Variants in MSN observed in about 807,000 individuals in gnomAD.
MSN encodes epididymis luminal protein 70.
In MSN, 2 loss-of-function variants were observed where a neutral mutation model predicts 48.0. The ratio of observed to expected loss-of-function variants is 0.04; its 90% CI spans 0.02 to 0.13. The LOEUF (loss-of-function observed/expected upper bound fraction) is 0.13. Among genes scored for constraint, MSN ranks in the 10% least tolerant of loss-of-function variants. The probability of loss-of-function intolerance (pLI) is 1.00; values close to 1 mark genes in which losing one functional copy is unlikely to be tolerated. For missense variants in MSN, 267 were observed against 470.1 expected (o/e 0.57, Z 3.99); for synonymous variants, 146 against 166.9 (o/e 0.87, Z 0.97).
intron 1 of MSN, among the ~76,000 whole-genome samples, chrX:65,656,810 G>A (rs1282408027): frequency 4.5e-5 from 5 of 110,665 alleles, no homozygotes; most frequent in East Asian, 5.8e-4. Flanking sequence ...GCAAGCACAC[G>A]GTGCTGCTGC....
rs191973209 is a variant in MSN, at chrX:65,628,161, G to A, written c.-22+39549G>A. Among the ~76,000 whole-genome samples the A allele has an allele frequency of 2.8e-3, 313 of 112,569 alleles. 1 individual carries two copies. The highest frequency in any genetic ancestry group is 5.0e-3 in the Non-Finnish European group (268 of 53,219). On this transcript the variant is annotated intron_variant, in intron 1 of 3. Coordinates refer to the MSN transcript ENST00000609672. ...GGAGCTACCATTCTGGGGCCTGGAG[G>A]ACGGTGGCCCACTTTTCACAGTGCC...
At chrX:65,725,365 G>A (rs749681113) in intron 2 of MSN, among the ~76,000 whole-genome samples, 24 of 111,018 alleles carry the variant, frequency 2.2e-4, no homozygotes, top group African/African-American at 7.2e-4. Flanking sequence ...GGCCCTCATG[G>A]TCCATCTTCT....
At chrX:65,710,022 C>T (rs2071398796) in intron 1 of MSN, among the ~76,000 whole-genome samples, 1 of 112,015 alleles carries the variant, frequency 8.9e-6, no homozygotes, top group Admixed American at 9.5e-5. Flanking sequence ...ACTTTGCAGG[C>T]CTCATTCACC....
chrX:65,638,294 A>T lies in MSN; in HGVS notation c.-22+49682A>T, dbSNP rs770420351. Among the ~76,000 whole-genome samples, 3 of 111,047 alleles carry T rather than the reference A, an allele frequency of 2.7e-5. No homozygotes were observed. In the East Asian group the frequency reaches 8.6e-4, roughly 32 times the overall value. On this transcript the variant is annotated intron_variant, in intron 1 of 3. Transcript: ENST00000609672. ...CCTCTCACTGTGATCTATGTGGAGAACTCCTGCTCACTCTTTAAGTATTTG... is the reference window on the plus strand; with the variant it reads ...CCTCTCACTGTGATCTATGTGGAGATCTCCTGCTCACTCTTTAAGTATTTG...
intron 1 of MSN, among the ~76,000 whole-genome samples, chrX:65,677,120 G>C (rs1395776932): frequency 9.0e-6 from 1 of 111,702 alleles, no homozygotes; most frequent in African/African-American, 3.3e-5. Context: ...GAGGCACTGC[G>C]CCTGGCTGAT....
In MSN at chrX:65,670,548, C is replaced by A. The variant is rs760775361; in HGVS notation, c.12+2695C>A. Among the ~76,000 whole-genome samples the A allele has an allele frequency of 1.6e-4, 18 of 109,182 alleles. No individual in the cohort carries two copies. In the Admixed American group the frequency reaches 1.8e-3, roughly 11 times the overall value. The allele number at this position is 109,182 out of a possible 115,157, so 94.8% of individuals were successfully genotyped here. On this transcript the variant is annotated intron_variant, in intron 1 of 12. Coordinates refer to ENST00000360270, the MANE Select transcript of MSN (RefSeq NM_002444.3). The stretch of plus-strand genomic sequence containing the variant: ...GACCAGCCTGACCAACATGGTGAAA[C>A]CCTGTCTCTACTAAAATTACAAAAA...
rs764306587 is a variant in MSN, at chrX:65,701,711, C to T, written c.13-15107C>T. Among the ~76,000 whole-genome samples, 15 of 111,773 alleles carry T rather than the reference C, an allele frequency of 1.3e-4. No individual in the cohort carries two copies. In the East Asian group the frequency reaches 4.2e-3, roughly 31 times the overall value. Reference sequence around the variant, plus strand: ...TCCTGCCATGGTGGCATCATTATGCCCACGTTACAAGTTGAAATTTAAGAG... The same window carrying T: ...TCCTGCCATGGTGGCATCATTATGCTCACGTTACAAGTTGAAATTTAAGAG... On this transcript the variant is annotated intron_variant, in intron 1 of 12. Coordinates refer to ENST00000360270, the MANE Select transcript of MSN (RefSeq NM_002444.3).
chrX:65,678,879 A>G (rs1428640893), intron 1 of MSN, among the ~76,000 whole-genome samples: 1 of 111,756 alleles, frequency 8.9e-6, no homozygotes, highest in Non-Finnish European at 1.9e-5. Context: ...TGACATTCTG[A>G]TTATTTGTGC....
At chrX:65,724,131 T>TTC (rs1252112953) in intron 2 of MSN, among the ~76,000 whole-genome samples, 5 of 107,237 alleles carry the variant, frequency 4.7e-5, no homozygotes, top group Middle Eastern at 4.3e-3. Flanking sequence ...ACCATGATCC[T>TTC]TCTCTCTCTC....
chrX:65,652,713 AC>A (rs1299134063), intron 1 of MSN, among the ~76,000 whole-genome samples: 1 of 111,729 alleles, frequency 9.0e-6, no homozygotes, highest in Non-Finnish European at 1.9e-5. Context: ...GAGTCTGGAG[AC>A]CCAGTGGAAA....
chrX:65,685,059 A>AATCTACAC (rs767508559), intron 1 of MSN, among the ~76,000 whole-genome samples: 4 of 111,453 alleles, frequency 3.6e-5, no homozygotes, highest in Non-Finnish European at 5.7e-5. Flanking sequence ...GAACACTTAA[A>AATCTACAC]ATCTACACAA....
upstream of MSN, among the ~76,000 whole-genome samples, chrX:65,667,449 T>C (rs1346902595): frequency 1.2e-5 from 1 of 83,492 alleles, no homozygotes; most frequent in Non-Finnish European, 2.3e-5. Context: ...AGGAGCCGGG[T>C]GGGTCTGGGT....
At chrX:65,591,141 G>A (rs190608466) in intron 1 of MSN, among the ~76,000 whole-genome samples, 1 of 111,554 alleles carries the variant, frequency 9.0e-6, no homozygotes, top group Non-Finnish European at 1.9e-5. Flanking sequence ...GGCCATGAGA[G>A]TCCTTGTTCA....
intron 1 of MSN, among the ~76,000 whole-genome samples, chrX:65,660,771 T>G (rs769310542): frequency 9.0e-5 from 10 of 111,176 alleles, no homozygotes; most frequent in African/African-American, 3.3e-4. Flanking sequence ...TTCACCATGT[T>G]GGTCAGGCTG....
intron 1 of MSN, among the ~76,000 whole-genome samples, chrX:65,651,572 T>C (rs1038128642): frequency 1.0e-5 from 1 of 100,404 alleles, no homozygotes; most frequent in Admixed American, 1.2e-4. Flanking sequence ...TTATTATTAT[T>C]ATTATTATTA....
intron 1 of MSN, among the ~76,000 whole-genome samples, chrX:65,716,058 T>A (rs918710016): frequency 3.6e-5 from 4 of 111,906 alleles, no homozygotes; most frequent in Non-Finnish European, 5.6e-5. Context: ...TATTGAAAGC[T>A]TTTTCTGCCC....
chrX:65,720,150 T>G (rs975316200), intron 2 of MSN, among the ~76,000 whole-genome samples: 1 of 112,174 alleles, frequency 8.9e-6, no homozygotes, highest in Non-Finnish European at 1.9e-5. Flanking sequence ...TATGGCCTAT[T>G]CCTGGCTAGG....
intron 1 of MSN, among the ~76,000 whole-genome samples, chrX:65,594,893 G>T (rs1309858678): frequency 2.7e-5 from 3 of 111,817 alleles, no homozygotes; most frequent in Non-Finnish European, 5.6e-5. Context: ...ATTATAGAAT[G>T]ACAGCATGAA....
chrX:65,658,431 T>C (rs888776453), intron 1 of MSN, among the ~76,000 whole-genome samples: 5 of 111,992 alleles, frequency 4.5e-5, no homozygotes, highest in Non-Finnish European at 9.4e-5. Context: ...GCTTAGTTAA[T>C]TCTTCCTGCA....
Sources: allele counts gnomAD v4.1 joint callset (sites outside exome capture counted in the v4.1 genomes callset), GRCh38; gene constraint gnomAD v4.1.1; transcripts MANE v1.5; gene names NCBI Gene and HGNC (gene_info 2026-07-23, HGNC 2026-07-21).